Variants in CDH13 observed in about 807,000 individuals in gnomAD.
The protein encoded by CDH13 is cadherin-13.
CDH13 carries 24 observed loss-of-function variants against 63.8 expected under a neutral mutation model. The ratio of observed to expected loss-of-function variants is 0.38; its 90% CI spans 0.27 to 0.53. The LOEUF (loss-of-function observed/expected upper bound fraction) is 0.53, where lower values mean the gene tolerates loss of function less well. Among genes scored for constraint, CDH13 ranks in the 20% least tolerant of loss-of-function variants. The probability of loss-of-function intolerance (pLI) is 0.85; values close to 1 mark genes in which losing one functional copy is unlikely to be tolerated. For missense variants in CDH13, 1,049 were observed against 903.1 expected (o/e 1.16, Z -2.07); for synonymous variants, 503 against 355.3 (o/e 1.42, Z -4.67).
At chr16:83,748,044 C>T in intron 10 of CDH13, 64 bp from the exon 11 acceptor site, 1 of 1,576,224 alleles carries the variant, frequency 6.3e-7, no homozygotes, top group Non-Finnish European at 8.7e-7. Flanking sequence ...ATGCCCTGCA[C>T]TCTGTAAATG....
intron 7 of CDH13, among the ~76,000 whole-genome samples, chr16:83,543,690 A>G (rs1397826383): frequency 6.6e-6 from 1 of 152,156 alleles, no homozygotes; most frequent in African/African-American, 2.4e-5. Flanking sequence ...CTGTCGTGAG[A>G]GCAGAGTGTA....
At chr16:83,554,441 A>G (rs2075564958) in intron 7 of CDH13, among the ~76,000 whole-genome samples, 3 of 152,218 alleles carry the variant, frequency 2.0e-5, no homozygotes, top group South Asian at 4.1e-4. Context: ...GTAGAGAAGA[A>G]AAATAGCAGC....
chr16:83,548,264 C>G (rs2075425966), intron 7 of CDH13, among the ~76,000 whole-genome samples: 1 of 152,250 alleles, frequency 6.6e-6, no homozygotes, highest in East Asian at 1.9e-4. Context: ...GGTCCTAAAC[C>G]AGGGACAGTT....
intron 5 of CDH13, among the ~76,000 whole-genome samples, chr16:83,221,045 T>C (rs1415700497): frequency 6.6e-6 from 1 of 152,246 alleles, no homozygotes; most frequent in Non-Finnish European, 1.5e-5. Flanking sequence ...AACAACTTTT[T>C]CAAGGTCTCA....
intron 1 of CDH13, among the ~76,000 whole-genome samples, chr16:82,716,229 T>C (rs1409894174): frequency 6.6e-6 from 1 of 152,118 alleles, no homozygotes; most frequent in African/African-American, 2.4e-5. Flanking sequence ...CCTGCCTTTA[T>C]GGAAACTGGA....
intron 7 of CDH13, among the ~76,000 whole-genome samples, chr16:83,597,052 G>A (rs1374232985): frequency 1.3e-5 from 2 of 152,130 alleles, no homozygotes; most frequent in African/African-American, 2.4e-5. Flanking sequence ...GGGAGACCCT[G>A]TCTCTACAAA....
chr16:83,146,690 C>G (rs8052949), intron 4 of CDH13, among the ~76,000 whole-genome samples: 43,182 of 152,042 alleles, frequency 0.28, 7,079 homozygotes, highest in African/African-American at 0.46. Flanking sequence ...GATTTAGTTG[C>G]AAATACCAAT....
chr16:83,069,256 C>T (rs1055205731), intron 3 of CDH13, among the ~76,000 whole-genome samples: 2 of 152,178 alleles, frequency 1.3e-5, no homozygotes, highest in African/African-American at 4.8e-5. Flanking sequence ...AGAGTTCTAA[C>T]ACCAATCAGT....
At chr16:83,756,854 A>G (rs1446019772) in intron 11 of CDH13, among the ~76,000 whole-genome samples, 2 of 152,244 alleles carry the variant, frequency 1.3e-5, no homozygotes, top group African/African-American at 2.4e-5. Context: ...GTCTTAAAAC[A>G]TCTCTCATAT....
intron 3 of CDH13, among the ~76,000 whole-genome samples, chr16:83,105,770 G>A (rs999939978): frequency 6.6e-6 from 1 of 152,166 alleles, no homozygotes; most frequent in Admixed American, 6.5e-5. Flanking sequence ...GAAGAATGAC[G>A]CACATAATGT....
At chr16:83,000,083 A>T (rs1440490039) in intron 2 of CDH13, among the ~76,000 whole-genome samples, 5 of 151,498 alleles carry the variant, frequency 3.3e-5, no homozygotes, top group African/African-American at 1.2e-4. Context: ...TGGCTGAAAA[A>T]CCCTGGTCTA....
chr16:83,192,845 G>A (rs746850357), intron 4 of CDH13, among the ~76,000 whole-genome samples: 34 of 152,080 alleles, frequency 2.2e-4, no homozygotes, highest in Non-Finnish European at 4.1e-4. Context: ...CAATCGACTC[G>A]GGGCGAACAG....
chr16:83,343,950 G>A (rs938429805), intron 5 of CDH13, among the ~76,000 whole-genome samples: 1 of 152,190 alleles, frequency 6.6e-6, no homozygotes, highest in African/African-American at 2.4e-5. Flanking sequence ...AATAATGAGT[G>A]TTTTTGTTAA....
intron 7 of CDH13, among the ~76,000 whole-genome samples, chr16:83,527,734 A>C (rs191100797): frequency 6.6e-6 from 1 of 152,298 alleles, no homozygotes; most frequent in East Asian, 1.9e-4. Flanking sequence ...CTTGGCATCA[A>C]ATAAGCAACC....
chr16:83,257,986 ATGTGG>A (rs1357190179), intron 5 of CDH13, among the ~76,000 whole-genome samples: 1 of 152,096 alleles, frequency 6.6e-6, no homozygotes, highest in Non-Finnish European at 1.5e-5. Context: ...TGGTATCTCA[ATGTGG>A]TATTGGTTTG....
chr16:83,781,906 C>T (rs1440528569), intron 12 of CDH13, among the ~76,000 whole-genome samples: 1 of 150,534 alleles, frequency 6.6e-6, no homozygotes, highest in Admixed American at 6.6e-5. Flanking sequence ...GCACATCCTG[C>T]TCATGTACCC....
chr16:83,303,787 G>C (rs74031991), intron 5 of CDH13, among the ~76,000 whole-genome samples: 1 of 151,994 alleles, frequency 6.6e-6, no homozygotes, highest in Non-Finnish European at 1.5e-5. Context: ...GGAGTGTTGT[G>C]TTCTGATCCC....
At chr16:83,364,808 T>C (rs1184446960) in intron 6 of CDH13, among the ~76,000 whole-genome samples, 1 of 152,074 alleles carries the variant, frequency 6.6e-6, no homozygotes, top group Non-Finnish European at 1.5e-5. Flanking sequence ...TTGTAAGAAA[T>C]TGGTTCTTCC....
intron 5 of CDH13, among the ~76,000 whole-genome samples, chr16:83,277,812 A>T (rs1445769620): frequency 6.6e-6 from 1 of 152,070 alleles, no homozygotes; most frequent in South Asian, 2.1e-4. Context: ...CTATGAGTTT[A>T]TTTTTTTAGT....
Sources: gnomAD v4.1 joint callset for allele counts (sites outside exome capture counted in the v4.1 genomes callset) on GRCh38, gnomAD v4.1.1 for gene constraint, MANE v1.5 for transcripts, NCBI Gene and HGNC (gene_info 2026-07-23, HGNC 2026-07-21) for gene names.